SCAI: variants seen among roughly 807,000 people sequenced by gnomAD.
The protein encoded by SCAI is suppressor of cancer cell invasion, also known as protein SCAI.
SCAI carries 24 observed loss-of-function variants against 92.2 expected under a neutral mutation model. The observed-to-expected ratio is 0.26, with a 90% CI of 0.19 to 0.37. The LOEUF (loss-of-function observed/expected upper bound fraction) is 0.37. Ranked by LOEUF, SCAI falls within the 10% of genes least tolerant of loss-of-function variation. SCAI has a pLI of 1.00. For synonymous variants in SCAI, 261 were observed against 258.6 expected (o/e 1.01, Z -0.09); for missense variants, 450 against 736.2 (o/e 0.61, Z 4.50).
intron 2 of SCAI, among the ~76,000 whole-genome samples, chr9:125,087,373 T>C (rs1237198117): frequency 2.0e-5 from 3 of 152,180 alleles, no homozygotes; most frequent in African/African-American, 4.8e-5. Context: ...GACTTGGTCC[T>C]TGCCCTCAAG....
intron 2 of SCAI, among the ~76,000 whole-genome samples, chr9:125,075,714 T>G (rs1056523820): frequency 6.6e-6 from 1 of 152,026 alleles, no homozygotes; most frequent in African/African-American, 2.4e-5. Context: ...TACAGGCATG[T>G]GCCACCATGC....
intron 2 of SCAI, among the ~76,000 whole-genome samples, chr9:125,108,293 A>G (rs971293687): frequency 5.4e-4 from 77 of 142,358 alleles, no homozygotes; most frequent in African/African-American, 1.8e-3. Flanking sequence ...CTGGCCGCCC[A>G]TCATCTGGGA....
At chr9:125,124,959 G>A (rs1398113858) in intron 2 of SCAI, among the ~76,000 whole-genome samples, 2 of 152,218 alleles carry the variant, frequency 1.3e-5, no homozygotes, top group Admixed American at 6.5e-5. Context: ...GGAGGCTCAC[G>A]CCTGTAATCC....
chr9:124,999,942 A>G lies in SCAI; in HGVS notation c.1193T>C (p.Ile398Thr). The G allele has an allele frequency of 6.3e-7, 1 of 1,598,720 alleles. No homozygotes were observed. ...TCGTTTGTGGATGGCATCTCCATTA[A>G]TAATATCCCGGTTACTATTAGTAAG... is the stretch of plus-strand genomic sequence containing the variant. ...GVLTNSNRDI[I>T]NGDAIHKRNQ... Residue 398 changes from isoleucine (I) to threonine (T), a missense_variant, in exon 13 of 18, where the codon ATT becomes ACT. Physicochemically the swap from Ile to Thr is moderately conservative, Grantham distance 89 (BLOSUM62 -1). This residue lies in a region of SCAI where 360 missense variants were observed against 601.8 expected (regional missense o/e 0.60). Coordinates refer to ENST00000336505, the MANE Select transcript of SCAI (RefSeq NM_001144877.3).
intron 9 of SCAI, among the ~76,000 whole-genome samples, chr9:125,009,658 G>T (rs1832589700): frequency 6.6e-6 from 1 of 151,940 alleles, no homozygotes; most frequent in African/African-American, 2.4e-5. Context: ...AGGCCAAGCT[G>T]GGGGCAGATC....
At chr9:125,140,161 T>C (rs568104334) in intron 2 of SCAI, among the ~76,000 whole-genome samples, 293 of 151,950 alleles carry the variant, frequency 1.9e-3, no homozygotes, top group Middle Eastern at 6.9e-3. Flanking sequence ...CAGTGAGCTG[T>C]GATTGCACCA....
At chr9:125,119,478 C>T (rs1256988067) in intron 2 of SCAI, among the ~76,000 whole-genome samples, 1 of 152,068 alleles carries the variant, frequency 6.6e-6, no homozygotes, top group African/African-American at 2.4e-5. Context: ...AAATGAAAGA[C>T]AGTGAAATAA....
intron 3 of SCAI, among the ~76,000 whole-genome samples, chr9:125,046,727 C>T (rs2131120898): frequency 6.7e-6 from 1 of 149,730 alleles, no homozygotes; most frequent in African/African-American, 2.4e-5. Flanking sequence ...AAACTAACTA[C>T]AACTACCTCT....
At chr9:125,080,928 T>C (rs1176185709) in intron 2 of SCAI, among the ~76,000 whole-genome samples, 2 of 152,166 alleles carry the variant, frequency 1.3e-5, no homozygotes, top group African/African-American at 2.4e-5. Context: ...GTTCTCCTGA[T>C]AGTGAATAAG....
At chr9:125,016,112 A>G (rs1390074831) in intron 9 of SCAI, among the ~76,000 whole-genome samples, 14 of 151,190 alleles carry the variant, frequency 9.3e-5, no homozygotes, top group Non-Finnish European at 2.1e-4. Flanking sequence ...GCACACCAGC[A>G]TGGCACATGT....
chr9:125,100,357 G>T (rs1163462529), intron 2 of SCAI, among the ~76,000 whole-genome samples: 1 of 152,146 alleles, frequency 6.6e-6, no homozygotes, highest in Non-Finnish European at 1.5e-5. Context: ...TTCTTGCATT[G>T]AATCCTCAAG....
In SCAI at chr9:125,019,183, T is replaced by G; in HGVS notation, c.632A>C (p.Asp211Ala). 5 of 1,581,316 alleles carry G rather than the reference T, an allele frequency of 3.2e-6. No individual in the cohort carries two copies. Among genetic ancestry groups the G allele is most frequent in the Non-Finnish European group, 4.3e-6 (5 of 1,164,550 alleles). ...TTCAGTATTAAATCGGTGAGTATAA[T>G]CTTCAATTTCATCTGACAATTCCTG... ...LVKELSDEIEDYTHRFNTEDQ... is the reference protein window; with the variant it reads ...LVKELSDEIEAYTHRFNTEDQ... Residue 211 changes from aspartate to alanine, a missense_variant, in exon 8 of 18, where the codon GAT (aspartate) becomes GCT (alanine). Physicochemically the swap from Asp to Ala is moderately radical, Grantham distance 126 (BLOSUM62 -2). Coordinates refer to ENST00000336505, the MANE Select transcript of SCAI (RefSeq NM_001144877.3).
chr9:125,139,187 C>T (rs1405622514), intron 2 of SCAI, among the ~76,000 whole-genome samples: 1 of 152,156 alleles, frequency 6.6e-6, no homozygotes, highest in Non-Finnish European at 1.5e-5. Flanking sequence ...CTGAGGAAGG[C>T]AGATAGCTTA....
At chr9:125,101,277 C>T (rs1834672783) in intron 2 of SCAI, among the ~76,000 whole-genome samples, 1 of 152,182 alleles carries the variant, frequency 6.6e-6, no homozygotes, top group South Asian at 2.1e-4. Context: ...TTAAAAGGAT[C>T]TCACTGGCTA....
intron 2 of SCAI, among the ~76,000 whole-genome samples, chr9:125,138,249 CTTTT>C (rs10570060): frequency 4.8e-5 from 5 of 104,196 alleles, no homozygotes; most frequent in Non-Finnish European, 6.0e-5. Context: ...ACTATTATTT[CTTTT>C]TTTTTTTTTT....
rs576978882 is a variant in SCAI, at chr9:125,119,632, T to C, written c.98+23001A>G. 9.2e-5 allele frequency among the ~76,000 whole-genome samples: 14 copies of C among 152,346 alleles called. 1 individual carries two copies. In the South Asian group the frequency reaches 2.9e-3, roughly 32 times the overall value. ...TCTAAACTCCGGCAAAATGGAATGC[T>C]AATCCAGTTATCCCCTGCTACATAA... is the stretch of plus-strand genomic sequence containing the variant. On this transcript the variant is annotated intron_variant, in intron 2 of 17. Transcript: ENST00000336505.
chr9:125,099,575 C>A (rs1224258315), intron 2 of SCAI, among the ~76,000 whole-genome samples: 1 of 152,158 alleles, frequency 6.6e-6, no homozygotes, highest in Non-Finnish European at 1.5e-5. Flanking sequence ...AGCTTTTCAT[C>A]CTTCAAAGAA....
chr9:125,043,733 G>C (rs1421828809), intron 3 of SCAI, among the ~76,000 whole-genome samples: 1 of 152,204 alleles, frequency 6.6e-6, no homozygotes, highest in Non-Finnish European at 1.5e-5. Flanking sequence ...CGATTCTCAC[G>C]CCTTAGCCTC....
chr9:124,952,749 C>A lies in SCAI; in HGVS notation c.*58G>T. 6.9e-7 allele frequency: 1 copy of A among 1,458,980 alleles called. No individual in the cohort carries two copies. The highest frequency in any genetic ancestry group is 9.5e-7 in the Non-Finnish European group (1 of 1,052,370). 90.4% of individuals were successfully genotyped at this position (1,458,980 alleles called of 1,614,324 possible). ...CTATGTGTCTTATCACGTTAGAAAA[C>A]TGCACCATTTAAAATTTGTGGAAAA... On this transcript the variant is annotated 3_prime_UTR_variant, in exon 18 of 18. Coordinates refer to ENST00000336505, the MANE Select transcript of SCAI (RefSeq NM_001144877.3).
Sources: gnomAD v4.1 joint callset for allele counts (sites outside exome capture counted in the v4.1 genomes callset) on GRCh38, gnomAD v4.1.1 for gene constraint, gnomAD v4.1.1 regional missense constraint, MANE v1.5 for transcripts, NCBI Gene and HGNC (gene_info 2026-07-23, HGNC 2026-07-21) for gene names.